SYNE2: variants seen among roughly 807,000 people sequenced by gnomAD.
SYNE2 encodes nesprin-2.
SYNE2 carries 431 observed loss-of-function variants against 856.3 expected under a neutral mutation model. That is an observed-to-expected ratio of 0.50 (90% CI 0.47 to 0.55). The LOEUF (loss-of-function observed/expected upper bound fraction) is 0.55. SYNE2 is among the 20% of genes least tolerant of loss of function. SYNE2 has a pLI of 0.00. For missense variants in SYNE2, 8,129 were observed against 8,023.2 expected, an observed-to-expected ratio of 1.01 and a Z score of -0.50; for synonymous variants, 2,923 against 2,872.3, an observed-to-expected ratio of 1.02 and a Z score of -0.56.
At chr14:64,199,245 T>G (rs553731706) in intron 99 of SYNE2, among the ~76,000 whole-genome samples, 1,999 of 152,270 alleles carry the variant, frequency 0.013, 40 homozygotes, top group African/African-American at 0.045. Flanking sequence ...CTCCAGTATG[T>G]GCATGTTAGT....
At chr14:63,868,580 C>T (rs1896047406) in intron 1 of SYNE2, among the ~76,000 whole-genome samples, 1 of 151,984 alleles carries the variant, frequency 6.6e-6, no homozygotes, top group African/African-American at 2.4e-5. Context: ...GCTACTTTGC[C>T]TAATTATTCC....
At position 63,949,891 on chromosome 14, in the gene SYNE2, G is replaced by T. The variant is rs1323596481; in HGVS notation, c.475G>T (p.Val159Phe). The change falls in exon 7 of 116, where the codon GTT (valine) becomes TTT (phenylalanine). Residue 159 changes from valine to phenylalanine, a missense_variant. Transcript: ENST00000555002. The stretch of plus-strand genomic sequence containing the variant: ...GCCTTCCCTGGATGATGTGAGTGTG[G>T]TTGACTCATCTCCTGCCTCAAGTCC... ...NQPSLDDVSVVDSSPASSPPA... is the reference protein window; with the variant it reads ...NQPSLDDVSVFDSSPASSPPA... 2.8e-5 allele frequency: 46 copies of T among 1,614,118 alleles called. No individual in the cohort carries two copies. The highest frequency in any genetic ancestry group is 3.8e-5 in the Non-Finnish European group (45 of 1,180,016).
chr14:63,811,772 C>A (rs899131720), intron 1 of SYNE2, among the ~76,000 whole-genome samples: 1 of 152,046 alleles, frequency 6.6e-6, no homozygotes, highest in African/African-American at 2.4e-5. Context: ...TAATGCCCCC[C>A]TGAGCCACAA....
chr14:64,003,682 G>T (rs2096772728), intron 30 of SYNE2, among the ~76,000 whole-genome samples: 1 of 152,146 alleles, frequency 6.6e-6, no homozygotes, highest in Non-Finnish European at 1.5e-5. Context: ...CAGACTCCAC[G>T]CTGTGATATT....
At chr14:64,061,540 A>G (rs2097317124) in intron 49 of SYNE2, among the ~76,000 whole-genome samples, 1 of 152,124 alleles carries the variant, frequency 6.6e-6, no homozygotes, top group Non-Finnish European at 1.5e-5. Context: ...TGTGAGACTC[A>G]ATTTTTGCCA....
rs2098656292 is a variant in SYNE2, at chr14:64,214,423, C to G, written c.19286C>G (p.Ser6429Cys). ...WDHTGDVGGS[S>C]SHEEDEEGPY... ...CACACAGGCGACGTGGGGGGCTCCT[C>G]CTCTCACGAAGAGGACGAGGAGGGC... Residue 6429 changes from serine (S) to cysteine (C), a missense_variant, in exon 106 of 116, where the codon TCC becomes TGC. Transcript: ENST00000555002. 2.5e-6 allele frequency: 4 copies of G among 1,614,034 alleles called. No homozygotes were observed. The highest frequency in any genetic ancestry group is 3.4e-6 in the Non-Finnish European group (4 of 1,180,014).
Position 63,806,704 on chromosome 14 carries a change from T to C in SYNE2, c.-305+44718T>C, listed in dbSNP as rs58630385. Among the ~76,000 whole-genome samples the C allele has an allele frequency of 5.6e-3, 859 of 152,196 alleles. 5 individuals carry two copies. The highest frequency in any genetic ancestry group is 0.019 in the African/African-American group (800 of 41,556). On this transcript the variant is annotated intron_variant, in intron 1 of 23. Coordinates refer to the SYNE2 transcript ENST00000674003. ...AGTTTTTGAGGGCTTTTTGTATTGC[T>C]TTCTTTTTTTAAAATTTAACAAATC...
chr14:63,763,348 T>G (rs138204490), intron 1 of SYNE2, among the ~76,000 whole-genome samples: 4 of 152,170 alleles, frequency 2.6e-5, no homozygotes, highest in Non-Finnish European at 5.9e-5. Context: ...GGTTTTTAGA[T>G]GCAAAATAAA....
intron 65 of SYNE2, among the ~76,000 whole-genome samples, chr14:64,108,220 C>T (rs1215112773): frequency 1.3e-5 from 2 of 152,096 alleles, no homozygotes; most frequent in Admixed American, 1.3e-4. Context: ...GGCGTGGTGG[C>T]ACATGCCTGT....
rs747991198 is a variant in SYNE2, at chr14:63,950,026, C to T, written c.590+20C>T. 9.9e-6 allele frequency: 16 copies of T among 1,613,422 alleles called. No homozygotes were observed. The highest frequency in any genetic ancestry group is 5.9e-6 in the Non-Finnish European group (7 of 1,179,764). On this transcript the variant is annotated intron_variant, in intron 7 of 115. Transcript: ENST00000555002. ...CGCCACGTAAGTAGTTTGCTATGAC[C>T]CTAAGAGACACACAGGGCAGCTGTA... is the stretch of plus-strand genomic sequence containing the variant.
chr14:64,210,779 A>G (rs974537571), intron 103 of SYNE2, among the ~76,000 whole-genome samples: 3 of 152,212 alleles, frequency 2.0e-5, no homozygotes, highest in Non-Finnish European at 4.4e-5. Flanking sequence ...AGGGCAGAGC[A>G]TGGTTGAACC....
chr14:64,150,291 C>CAA (rs773488742), intron 84 of SYNE2, among the ~76,000 whole-genome samples: 536 of 35,594 alleles, frequency 0.015, 48 homozygotes, highest in Non-Finnish European at 0.024. Flanking sequence ...GATTCTCTCT[C>CAA]AAAAAAAAAA....
chr14:64,203,067 A>G, intron 100 of SYNE2, 104 bp downstream of exon 100: 2 of 1,449,462 alleles, frequency 1.4e-6, no homozygotes, highest in Non-Finnish European at 1.9e-6. Context: ...CTCACATTCC[A>G]TAACATTGGT....
intron 45 of SYNE2, among the ~76,000 whole-genome samples, chr14:64,033,715 A>G (rs1367549845): frequency 1.3e-5 from 2 of 152,134 alleles, no homozygotes; most frequent in Admixed American, 1.3e-4. Flanking sequence ...GGTTTAAAAA[A>G]TTTATTATGC....
intron 45 of SYNE2, among the ~76,000 whole-genome samples, chr14:64,042,213 A>G (rs148566704): frequency 1.3e-5 from 2 of 152,360 alleles, no homozygotes; most frequent in African/African-American, 4.8e-5. Flanking sequence ...GTGGAAAAAA[A>G]CAAGTTATGA....
chr14:64,167,058 AT>A (rs1451277124), intron 90 of SYNE2, 174 bp from the exon 91 acceptor site: 11 of 724,766 alleles, frequency 1.5e-5, no homozygotes, highest in African/African-American at 3.5e-5. Flanking sequence ...AAGGCACAGC[AT>A]TGAGATAGCT....
At position 63,837,918 on chromosome 14, in the gene SYNE2, CAA is replaced by C. The variant is rs34952817; in HGVS notation, c.-304-14560_-304-14559del. Among the ~76,000 whole-genome samples, 12 of 62,184 alleles carry C rather than the reference CAA, an allele frequency of 1.9e-4. No homozygotes were observed. In the East Asian group the frequency reaches 3.4e-3, roughly 18 times the overall value. The allele number at this position is 62,184 out of a possible 152,430, so 40.8% of individuals were successfully genotyped here. A position where few individuals can be genotyped will look rare whatever the true frequency, so the allele number is the denominator to read the frequency against. ...TGGATGACAAAGTGAGACTCTGTTTCAAAAAAAAAAAAAAAAAAAAAAAAGAG... is the reference window on the plus strand; with the variant it reads ...TGGATGACAAAGTGAGACTCTGTTTCAAAAAAAAAAAAAAAAAAAAAAGAG... On this transcript the variant is annotated intron_variant, in intron 1 of 23. Transcript: ENST00000674003.
At chr14:63,812,196 C>T (rs1177469813) in intron 1 of SYNE2, among the ~76,000 whole-genome samples, 2 of 152,156 alleles carry the variant, frequency 1.3e-5, no homozygotes, top group Non-Finnish European at 2.9e-5. Flanking sequence ...AGACCTCCCC[C>T]CAGGAATGCA....
chr14:64,151,363 C>T (rs1173885427), intron 84 of SYNE2, among the ~76,000 whole-genome samples: 2 of 144,194 alleles, frequency 1.4e-5, no homozygotes, highest in East Asian at 2.0e-4. Flanking sequence ...CCCATGCCCA[C>T]GAGGCACTCA....
Sources: allele counts gnomAD v4.1 joint callset (sites outside exome capture counted in the v4.1 genomes callset), GRCh38; gene constraint gnomAD v4.1.1; transcripts MANE v1.5; gene names NCBI Gene and HGNC (gene_info 2026-07-23, HGNC 2026-07-21).